CLUL1: variants seen among roughly 807,000 people sequenced by gnomAD.
CLUL1 encodes clusterin-like protein 1.
A neutral mutation model predicts 49.4 loss-of-function variants in CLUL1; 43 were observed. The observed-to-expected ratio is 0.87, with a 90% CI of 0.68 to 1.12. The LOEUF (loss-of-function observed/expected upper bound fraction) is 1.12, where lower values mean the gene tolerates loss of function less well. Ranked by LOEUF, CLUL1 falls within the 50% of genes most tolerant of loss-of-function variation. The pLI, the probability that CLUL1 is intolerant of heterozygous loss-of-function variation, is 0.00. For synonymous variants in CLUL1, 192 were observed against 184.9 expected (o/e 1.04, Z -0.31); for missense variants, 486 against 544.4 (o/e 0.89, Z 1.07).
At chr18:617,846 C>G (rs1294485264) in intron 2 of CLUL1, 142 bp from the exon 3 acceptor site, 1 of 650,188 alleles carries the variant, frequency 1.5e-6, no homozygotes, top group East Asian at 2.7e-5. Context: ...CCTTATGTCT[C>G]AGGCACATTA....
intron 4 of CLUL1, among the ~76,000 whole-genome samples, chr18:622,155 G>A (rs747165885): frequency 1.7e-4 from 26 of 152,116 alleles, no homozygotes; most frequent in Non-Finnish European, 2.8e-4. Flanking sequence ...TAGTCTCCCA[G>A]TATTGAGCCC....
At chr18:607,601 A>AT (rs987493762) in intron 2 of CLUL1, among the ~76,000 whole-genome samples, 1 of 151,606 alleles carries the variant, frequency 6.6e-6, no homozygotes. Flanking sequence ...ATTTTTTAAA[A>AT]TTTTTTTGTA....
chr18:629,634 C>T (rs1332848751), intron 6 of CLUL1, among the ~76,000 whole-genome samples: 3 of 152,322 alleles, frequency 2.0e-5, no homozygotes, highest in African/African-American at 7.2e-5. Flanking sequence ...AGCCCCTCTG[C>T]GCCACTTCCA....
At chr18:640,097 C>T (rs1372757755) in intron 7 of CLUL1, among the ~76,000 whole-genome samples, 1 of 152,282 alleles carries the variant, frequency 6.6e-6, no homozygotes, top group East Asian at 1.9e-4. Context: ...TTCATGGAGT[C>T]TGGCCCTAAT....
intron 7 of CLUL1, among the ~76,000 whole-genome samples, chr18:634,930 A>G (rs1207976178): frequency 6.6e-6 from 1 of 152,126 alleles, no homozygotes; most frequent in Non-Finnish European, 1.5e-5. Context: ...TTTGATTCCT[A>G]TGCTTCTGCA....
chr18:635,272 T>C (rs2074104504), intron 7 of CLUL1, among the ~76,000 whole-genome samples: 1 of 152,148 alleles, frequency 6.6e-6, no homozygotes, highest in East Asian at 1.9e-4. Flanking sequence ...CATCAGGCAT[T>C]ATTCTCCTAA....
rs752090670 is a variant in CLUL1, at chr18:627,397, C to A, written c.724C>A (p.Leu242Ile). Residue 242 changes from leucine (L) to isoleucine (I), a missense_variant, in exon 6 of 10, where the codon CTT becomes ATT. Transcript: ENST00000692774. ...TAAAGAGCCGATGACAAAAGCAGAT[C>A]TTGAGCAATGTTGGGACATTCCCAA... is the stretch of plus-strand genomic sequence containing the variant. ...FSKEPMTKAD[L>I]EQCWDIPNFF... The A allele has an allele frequency of 6.2e-6, 10 of 1,614,158 alleles. No individual in the cohort carries two copies. The highest frequency in any genetic ancestry group is 7.6e-6 in the Non-Finnish European group (9 of 1,180,014).
intron 2 of CLUL1, chr18:612,836 T>G (rs1314551612): frequency 6.5e-6 from 1 of 154,298 alleles, no homozygotes; most frequent in South Asian, 2.1e-4. Context: ...CAGAATGTAA[T>G]GAGTGCCTGA....
chr18:629,333 A>G (rs930166892), intron 6 of CLUL1, among the ~76,000 whole-genome samples: 5 of 152,208 alleles, frequency 3.3e-5, no homozygotes, highest in Admixed American at 6.5e-5. Flanking sequence ...GACTGTTTAC[A>G]TGGATATCAA....
At chr18:611,903 G>GCC (rs146025952) in intron 2 of CLUL1, among the ~76,000 whole-genome samples, 2,575 of 152,162 alleles carry the variant, frequency 0.017, 84 homozygotes, top group African/African-American at 0.058. Flanking sequence ...CCAGCCAATG[G>GCC]CCCCCACTAC....
chr18:633,851 AATCGGAATGAATCAGGGTG>A (rs2074063977), intron 7 of CLUL1, among the ~76,000 whole-genome samples: 1 of 104,042 alleles, frequency 9.6e-6, no homozygotes, highest in African/African-American at 5.5e-5. Flanking sequence ...CGGAGCGTGT[AATCGGAATGAATCAGGGTG>A]GAGCGTGTAA....
rs759954135 is a variant in CLUL1, at chr18:645,049, A to T, written c.1349A>T (p.Tyr450Phe). The T allele has an allele frequency of 6.2e-7, 1 of 1,611,164 alleles. No homozygotes were observed. The highest frequency in any genetic ancestry group is 8.5e-7 in the Non-Finnish European group (1 of 1,178,850). Residue 450 changes from tyrosine to phenylalanine, a missense_variant, in exon 9 of 10, where the codon TAC becomes TTC. Coordinates refer to ENST00000692774, the MANE Select transcript of CLUL1 (RefSeq NM_001393344.1). The stretch of plus-strand genomic sequence containing the variant: ...GCTGAGAGTTCTAACTTCATTGGCT[A>T]CGTAGTGGCAAAAGCTCTACAGCAT... ...ESAESSNFIG[Y>F]VVAKALQHFK...
chr18:645,810 A>AAAT (rs1451607900), intron 9 of CLUL1, among the ~76,000 whole-genome samples: 35 of 29,852 alleles, frequency 1.2e-3, no homozygotes, highest in Non-Finnish European at 1.5e-3. Context: ...AAAAAAAAAA[A>AAAT]ATATATATAT....
intron 7 of CLUL1, among the ~76,000 whole-genome samples, chr18:637,131 C>T (rs932872681): frequency 1.3e-5 from 2 of 152,144 alleles, no homozygotes; most frequent in East Asian, 1.9e-4. Context: ...GGACTACAGG[C>T]GCCCGCCACC....
chr18:637,435 T>C (rs1157245066), intron 7 of CLUL1, among the ~76,000 whole-genome samples: 1 of 152,094 alleles, frequency 6.6e-6, no homozygotes, highest in Non-Finnish European at 1.5e-5. Flanking sequence ...ACCTCAGTAG[T>C]TGGTCTTTTC....
intron 1 of CLUL1, chr18:598,537 C>T (rs774811166): frequency 5.0e-6 from 2 of 398,576 alleles, no homozygotes; most frequent in Non-Finnish European, 8.8e-6. Context: ...TCCATGGAGG[C>T]AGCAGTGGGA....
chr18:619,929 C>T (rs146317305), intron 4 of CLUL1, among the ~76,000 whole-genome samples: 108 of 152,062 alleles, frequency 7.1e-4, no homozygotes, highest in Middle Eastern at 3.4e-3. Context: ...AGGCTGGTCC[C>T]GAACTCTGGG....
intron 2 of CLUL1, among the ~76,000 whole-genome samples, chr18:614,211 T>C (rs1238511067): frequency 2.6e-5 from 4 of 152,186 alleles, no homozygotes; most frequent in Non-Finnish European, 1.5e-5. Flanking sequence ...ATTTACACTC[T>C]GCTTCTAAAA....
At chr18:648,092 G>A (rs2074563950) in intron 9 of CLUL1, among the ~76,000 whole-genome samples, 5 of 152,216 alleles carry the variant, frequency 3.3e-5, no homozygotes, top group Admixed American at 3.3e-4. Context: ...GGTGGGAAGA[G>A]GTCAGGGCTC....
Sources: allele counts gnomAD v4.1 joint callset (sites outside exome capture counted in the v4.1 genomes callset), GRCh38; gene constraint gnomAD v4.1.1; transcripts MANE v1.5; gene names NCBI Gene and HGNC (gene_info 2026-07-23, HGNC 2026-07-21).